The following CTNNBIP1 variants were observed in gnomAD, a reference collection of about 807,000 sequenced individuals.
CTNNBIP1 encodes the protein catenin beta interacting protein 1.
A neutral mutation model predicts 11.8 loss-of-function variants in CTNNBIP1; 7 were observed. The observed-to-expected ratio is 0.60, with a 90% CI of 0.34 to 1.12. CTNNBIP1 has a LOEUF of 1.12. Among genes scored for constraint, CTNNBIP1 ranks in the 50% most tolerant of loss-of-function variants. CTNNBIP1 has a pLI of 0.03. For synonymous variants in CTNNBIP1, 58 were observed against 43.9 expected, an observed-to-expected ratio of 1.32 and a Z score of -1.26; for missense variants, 101 against 113.4, an observed-to-expected ratio of 0.89 and a Z score of 0.50.
In CTNNBIP1 at chr1:9,871,756, G is replaced by A. The variant is rs1208779330; in HGVS notation, c.96+213C>T. Among the ~76,000 whole-genome samples, 1 of 152,182 alleles carries A rather than the reference G, an allele frequency of 6.6e-6. No homozygotes were observed. Among genetic ancestry groups the A allele is most frequent in the African/African-American group, 2.4e-5 (1 of 41,434 alleles). Reference sequence around the variant, plus strand: ...TCACCCGCCTGGCCCCAATCCGGCAGTGTCGGGTGTCCCCAGAACTTGACG... The same window carrying A: ...TCACCCGCCTGGCCCCAATCCGGCAATGTCGGGTGTCCCCAGAACTTGACG... On this transcript the variant is annotated intron_variant, in intron 4 of 5. Coordinates refer to ENST00000377263, the MANE Select transcript of CTNNBIP1 (RefSeq NM_020248.3). This position sits in a 1 kb window ranked among gnomAD's most constrained non-coding sequence, Gnocchi z 5.2.
chr1:9,859,863 A>G (rs940108166), intron 5 of CTNNBIP1, among the ~76,000 whole-genome samples: 1 of 152,222 alleles, frequency 6.6e-6, no homozygotes, highest in Admixed American at 6.5e-5. Context: ...GGTGAAATGT[A>G]GCAGACAAAG....
At position 9,871,378 on chromosome 1, in the gene CTNNBIP1, T is replaced by TGGTCCCTGCTC; in HGVS notation, c.97-112_97-102dup. 1.2e-6 allele frequency: 1 copy of TGGTCCCTGCTC among 864,974 alleles called. No individual in the cohort carries two copies. Among genetic ancestry groups the TGGTCCCTGCTC allele is most frequent in the Non-Finnish European group, 1.9e-6 (1 of 540,534 alleles). The allele number at this position is 864,974 out of a possible 1,614,324, so 53.6% of individuals were successfully genotyped here. A position where few individuals can be genotyped will look rare whatever the true frequency, so the allele number is the denominator to read the frequency against. ...CGCCTAGGCCTGCTTGGTCCCTGCT[T>TGGTCCCTGCTC]GGTCCCTGCTCGGGCTTCTGTTTCT... On this transcript the variant is annotated intron_variant, in intron 4 of 5. Transcript: ENST00000377263. The surrounding 1 kb of genome is among the most constrained non-coding windows in gnomAD (Gnocchi z 5.2).
At chr1:9,899,765 A>G (rs1307583375) in intron 1 of CTNNBIP1, among the ~76,000 whole-genome samples, 1 of 147,704 alleles carries the variant, frequency 6.8e-6, no homozygotes, top group Non-Finnish European at 1.5e-5. Flanking sequence ...CTCAAAAAAA[A>G]AGAAAGAAAG....
intron 5 of CTNNBIP1, among the ~76,000 whole-genome samples, chr1:9,865,993 G>C (rs1448416188): frequency 6.6e-6 from 1 of 152,190 alleles, no homozygotes; most frequent in Non-Finnish European, 1.5e-5. Flanking sequence ...ACTTCCTCTG[G>C]TTCAAAGCCA....
intron 1 of CTNNBIP1, among the ~76,000 whole-genome samples, chr1:9,903,178 A>C (rs1639556055): frequency 6.6e-6 from 1 of 152,178 alleles, no homozygotes; most frequent in Non-Finnish European, 1.5e-5. Flanking sequence ...GAGTCATTAG[A>C]AGGAAGGAGG....
intron 1 of CTNNBIP1, among the ~76,000 whole-genome samples, chr1:9,907,687 CG>C (rs1261013976): frequency 1.3e-5 from 2 of 152,200 alleles, no homozygotes; most frequent in African/African-American, 4.8e-5. Context: ...ATCAAGGAGG[CG>C]GGGACCTGTT....
chr1:9,896,844 G>A (rs372597441), intron 1 of CTNNBIP1, among the ~76,000 whole-genome samples: 1 of 152,296 alleles, frequency 6.6e-6, no homozygotes, highest in East Asian at 1.9e-4. Context: ...GCACGTGCCT[G>A]TAGTCCCAGC....
Position 9,848,553 on chromosome 1 carries a change from G to C in CTNNBIP1, c.*2165C>G, listed in dbSNP as rs765230908. The C allele has an allele frequency of 6.6e-6, 1 of 152,244 alleles. No individual in the cohort carries two copies. The highest frequency in any genetic ancestry group is 1.9e-4 in the East Asian group (1 of 5,182). 9.4% of individuals were successfully genotyped at this position (152,244 alleles called of 1,614,324 possible). A position where few individuals can be genotyped will look rare whatever the true frequency, so the allele number is the denominator to read the frequency against. On this transcript the variant is annotated 3_prime_UTR_variant, in exon 6 of 6. Transcript: ENST00000377263. This position sits in a 1 kb window ranked among gnomAD's most constrained non-coding sequence, Gnocchi z 4.3. ...CTCGACACCTGACTCCAGGCACTCC[G>C]ACCTGGAGGAGGGAGATGAAAGAAC... is the stretch of plus-strand genomic sequence containing the variant.
chr1:9,865,768 A>C (rs1440538793), intron 5 of CTNNBIP1, among the ~76,000 whole-genome samples: 2 of 152,204 alleles, frequency 1.3e-5, no homozygotes, highest in Non-Finnish European at 2.9e-5. Context: ...TCAATATTTC[A>C]AACTTTTCTG....
chr1:9,896,436 T>C (rs545838997), intron 1 of CTNNBIP1, among the ~76,000 whole-genome samples: 26 of 152,194 alleles, frequency 1.7e-4, no homozygotes, highest in Admixed American at 1.1e-3. Flanking sequence ...CAGTGGCTCA[T>C]GCCTGCAATC....
chr1:9,889,576 C>T (rs886830243), intron 1 of CTNNBIP1, among the ~76,000 whole-genome samples: 1 of 152,188 alleles, frequency 6.6e-6, no homozygotes, highest in African/African-American at 2.4e-5. Flanking sequence ...TGCTCTACAA[C>T]ACCTTCTCTG....
Position 9,882,726 on chromosome 1 carries a change from G to GTGGGGC in CTNNBIP1, c.-110+973_-110+978dup, listed in dbSNP as rs372700653. ...GAGAAGAGCCAGGAGGAGTGTAAGA[G>GTGGGGC]TGGGGCTGTGGCTGTGGCTGTGGGG... On this transcript the variant is annotated intron_variant, in intron 2 of 5. Transcript: ENST00000377263. Among the ~76,000 whole-genome samples, 1,478 of 152,232 alleles carry GTGGGGC rather than the reference G, an allele frequency of 9.7e-3. 26 individuals are homozygous for GTGGGGC. The highest frequency in any genetic ancestry group is 0.033 in the African/African-American group (1,360 of 41,512).
At position 9,871,360 on chromosome 1, in the gene CTNNBIP1, G is replaced by T; in HGVS notation, c.97-83C>A. On this transcript the variant is annotated intron_variant, in intron 4 of 5. Coordinates refer to ENST00000377263, the MANE Select transcript of CTNNBIP1 (RefSeq NM_020248.3). The surrounding 1 kb of genome is among the most constrained non-coding windows in gnomAD (Gnocchi z 5.2). ...CTGCACCCCTAGAGGCACCGCCTAG[G>T]CCTGCTTGGTCCCTGCTTGGTCCCT... 1.9e-6 allele frequency: 2 copies of T among 1,042,044 alleles called. No individual in the cohort carries two copies. Among genetic ancestry groups the T allele is most frequent in the Non-Finnish European group, 2.9e-6 (2 of 696,082 alleles). 64.5% of individuals were successfully genotyped at this position (1,042,044 alleles called of 1,614,324 possible). A position where few individuals can be genotyped will look rare whatever the true frequency, so the allele number is the denominator to read the frequency against.
intron 5 of CTNNBIP1, among the ~76,000 whole-genome samples, chr1:9,852,319 C>T (rs1374075441): frequency 6.6e-6 from 1 of 152,232 alleles, no homozygotes; most frequent in African/African-American, 2.4e-5. Context: ...CCACTTGGCA[C>T]TAGAGAACCA....
chr1:9,864,283 A>G (rs1638694854), intron 5 of CTNNBIP1, among the ~76,000 whole-genome samples: 1 of 152,196 alleles, frequency 6.6e-6, no homozygotes, highest in Admixed American at 6.5e-5. Context: ...TGACAAAATG[A>G]GCCAAGTCTA....
rs1161298502 is a variant in CTNNBIP1 at position 9,871,321 on chromosome 1, TC to T, written c.97-45del. 2.8e-6 allele frequency: 4 copies of T among 1,429,976 alleles called. No individual in the cohort carries two copies. Among genetic ancestry groups the T allele is most frequent in the Non-Finnish European group, 3.8e-6 (4 of 1,039,938 alleles). The allele number at this position is 1,429,976 out of a possible 1,614,324, so 88.6% of individuals were successfully genotyped here. On this transcript the variant is annotated intron_variant, in intron 4 of 5. Transcript: ENST00000377263. The surrounding 1 kb of genome is among the most constrained non-coding windows in gnomAD (Gnocchi z 5.2). ...GTGGTGAGGGGCAGCATGCACCTGT[TC>T]CCTGAAAGGCACCTGCACCCCTAGA... is the stretch of plus-strand genomic sequence containing the variant.
chr1:9,903,073 A>T (rs547166354), intron 1 of CTNNBIP1, among the ~76,000 whole-genome samples: 9 of 152,298 alleles, frequency 5.9e-5, no homozygotes, highest in Non-Finnish European at 1.0e-4. Flanking sequence ...CTGGGGAATA[A>T]CTATTTTTGT....
In CTNNBIP1 at chr1:9,883,136, A is replaced by G. The variant is rs921804024; in HGVS notation, c.-110+569T>C. On this transcript the variant is annotated intron_variant, in intron 2 of 5. Coordinates refer to ENST00000377263, the MANE Select transcript of CTNNBIP1 (RefSeq NM_020248.3). This position sits in a 1 kb window ranked among gnomAD's most constrained non-coding sequence, Gnocchi z 5.6. ...GCGGGACGGCGCAGGAGGGTAGGTC[A>G]GGGACCGGGGGAGCCTCTCTCTGGA... Among the ~76,000 whole-genome samples, 20 of 152,118 alleles carry G rather than the reference A, an allele frequency of 1.3e-4. No homozygotes were observed. The highest frequency in any genetic ancestry group is 4.8e-4 in the African/African-American group (20 of 41,426).
chr1:9,900,978 T>C (rs1366766023), intron 1 of CTNNBIP1, among the ~76,000 whole-genome samples: 1 of 152,162 alleles, frequency 6.6e-6, no homozygotes, highest in Non-Finnish European at 1.5e-5. Context: ...GCAGGTACTT[T>C]TGCTCCCTTC....
Sources: allele counts gnomAD v4.1 joint callset (sites outside exome capture counted in the v4.1 genomes callset), GRCh38; gene constraint gnomAD v4.1.1; non-coding constraint Gnocchi (gnomAD v3.1); transcripts MANE v1.5; gene names NCBI Gene and HGNC (gene_info 2026-07-23, HGNC 2026-07-21).